Variants in PUS7 observed in about 807,000 individuals in gnomAD.
PUS7 encodes the protein pseudouridine synthase 7.
A neutral mutation model predicts 79.8 loss-of-function variants in PUS7; 48 were observed. That is an observed-to-expected ratio of 0.60 (90% CI 0.48 to 0.76). The LOEUF (loss-of-function observed/expected upper bound fraction) is 0.76. Ranked by LOEUF, PUS7 falls within the 30% of genes least tolerant of loss-of-function variation. PUS7 has a pLI of 0.00. For missense variants in PUS7, 729 were observed against 797.6 expected, an observed-to-expected ratio of 0.91 and a Z score of 1.04; for synonymous variants, 286 against 272.2, an observed-to-expected ratio of 1.05 and a Z score of -0.50.
chr7:105,469,528 C>T (rs184935944), intron 11 of PUS7, among the ~76,000 whole-genome samples: 264 of 152,258 alleles, frequency 1.7e-3, no homozygotes, highest in African/African-American at 6.2e-3. Context: ...GGTGCCATCC[C>T]GGCTGAATGC....
intron 4 of PUS7, 85 bp downstream of exon 4, chr7:105,505,870 G>A (rs1825433716): frequency 9.2e-7 from 1 of 1,086,182 alleles, no homozygotes; most frequent in East Asian, 2.4e-5. Flanking sequence ...GTTAACCATT[G>A]TAATTTTTTC....
At chr7:105,520,683 T>C (rs1343576443) in intron 1 of PUS7, among the ~76,000 whole-genome samples, 6 of 151,992 alleles carry the variant, frequency 3.9e-5, no homozygotes, top group African/African-American at 9.7e-5. Flanking sequence ...GATCGTGCCA[T>C]TGCACTCCAG....
At chr7:105,516,167 A>G (rs1279725072) in intron 1 of PUS7, among the ~76,000 whole-genome samples, 1 of 151,842 alleles carries the variant, frequency 6.6e-6, no homozygotes, top group Non-Finnish European at 1.5e-5. Flanking sequence ...CTGGTCTGAA[A>G]CTCCTGGCCT....
intron 13 of PUS7, among the ~76,000 whole-genome samples, chr7:105,464,532 C>T (rs942843137): frequency 1.3e-5 from 2 of 152,196 alleles, no homozygotes; most frequent in African/African-American, 4.8e-5. Context: ...CTCTCCCTCT[C>T]CTTCCCAGAG....
intron 9 of PUS7, among the ~76,000 whole-genome samples, chr7:105,480,833 G>T (rs1824291637): frequency 6.6e-6 from 1 of 151,882 alleles, no homozygotes. Flanking sequence ...CCCTGGATGG[G>T]TAACCAAGAG....
chr7:105,473,084 C>T (rs889597871), intron 9 of PUS7, among the ~76,000 whole-genome samples: 4 of 151,934 alleles, frequency 2.6e-5, no homozygotes, highest in African/African-American at 4.8e-5. Flanking sequence ...TTATATAAAT[C>T]GCAGTTAAGT....
chr7:105,470,944 G>A, intron 10 of PUS7, 96 bp from the exon 11 acceptor site: 1 of 1,338,926 alleles, frequency 7.5e-7, no homozygotes, highest in South Asian at 1.9e-5. Context: ...ATTAGAAAAT[G>A]CTACTTGAAA....
intron 5 of PUS7, among the ~76,000 whole-genome samples, chr7:105,499,672 T>C (rs1315498794): frequency 2.6e-5 from 4 of 152,190 alleles, no homozygotes; most frequent in South Asian, 2.1e-4. Flanking sequence ...TTGGGAACAA[T>C]GATTTAGAAT....
At chr7:105,492,500 ATTTTTTTTTTT>A (rs1159017117) in intron 6 of PUS7, among the ~76,000 whole-genome samples, 6 of 87,324 alleles carry the variant, frequency 6.9e-5, no homozygotes, top group East Asian at 3.1e-4. Flanking sequence ...GATTTTTTGT[ATTTTTTTTTTT>A]TTTTTTTTTT....
intron 5 of PUS7, among the ~76,000 whole-genome samples, chr7:105,501,391 T>G (rs1023543138): frequency 5.9e-5 from 9 of 151,978 alleles, no homozygotes; most frequent in Non-Finnish European, 1.2e-4. Flanking sequence ...GTCAATTTGG[T>G]AGGTGAAAAA....
At chr7:105,510,804 C>T (rs1170819911) in intron 1 of PUS7, among the ~76,000 whole-genome samples, 2 of 151,998 alleles carry the variant, frequency 1.3e-5, no homozygotes, top group African/African-American at 2.4e-5. Context: ...CATGAGCCAC[C>T]GTGTCTGGTC....
intron 5 of PUS7, among the ~76,000 whole-genome samples, chr7:105,496,546 A>AGTTTT (rs1825044802): frequency 6.6e-6 from 1 of 152,128 alleles, no homozygotes; most frequent in Non-Finnish European, 1.5e-5. Context: ...TGAATCCCTT[A>AGTTTT]TCTTCAGAGG....
At chr7:105,498,789 AAT>A (rs1825136543) in intron 5 of PUS7, among the ~76,000 whole-genome samples, 2 of 152,140 alleles carry the variant, frequency 1.3e-5, no homozygotes, top group Admixed American at 1.3e-4. Context: ...CCTTTTTGAA[AAT>A]ATATATTTTT....
Position 105,508,165 on chromosome 7 carries a change from G to A in PUS7, c.348C>T (p.Ile116=). The change falls in exon 2 of 16, where the codon ATC becomes ATT. Residue 116 remains isoleucine (I), a synonymous_variant. Transcript: ENST00000469408. ...CTTGATGAGAACTCACAAACTTGGTGATGCCTACGTCAGCCTCAGTGAGTC... is the reference window on the plus strand; with the variant it reads ...CTTGATGAGAACTCACAAACTTGGTAATGCCTACGTCAGCCTCAGTGAGTC... ...KHGLTEADVG[I]TKFVSSHQGF... 1.2e-6 allele frequency: 2 copies of A among 1,614,104 alleles called. No individual in the cohort carries two copies. Among genetic ancestry groups the A allele is most frequent in the African/African-American group, 1.3e-5 (1 of 75,036 alleles).
At chr7:105,496,839 AT>A in intron 5 of PUS7, 1 of 486,858 alleles carries the variant, frequency 2.1e-6, no homozygotes, top group Non-Finnish European at 2.8e-6. Flanking sequence ...CAGGAATATC[AT>A]TTTCGGTTTT....
chr7:105,506,376 G>A (rs1825460049), intron 2 of PUS7, 103 bp from the exon 3 acceptor site: 2 of 802,446 alleles, frequency 2.5e-6, no homozygotes, highest in African/African-American at 1.8e-5. Context: ...TGCAAAACAA[G>A]GAATTTTAAA....
intron 14 of PUS7, 90 bp from the exon 15 acceptor site, chr7:105,459,349 CAAGT>C: frequency 2.7e-6 from 2 of 747,848 alleles, no homozygotes; most frequent in East Asian, 5.6e-5. Flanking sequence ...GCAAGAAAAA[CAAGT>C]AAGTTTACTG....
intron 9 of PUS7, among the ~76,000 whole-genome samples, chr7:105,473,603 G>A (rs929895784): frequency 2.6e-5 from 4 of 151,210 alleles, no homozygotes; most frequent in Admixed American, 6.6e-5. Flanking sequence ...ATTTTTAGTA[G>A]AGATGGGGTT....
chr7:105,487,471 C>T (rs1365518991), intron 7 of PUS7, among the ~76,000 whole-genome samples: 1 of 152,106 alleles, frequency 6.6e-6, no homozygotes, highest in African/African-American at 2.4e-5. Flanking sequence ...CTTGAATATA[C>T]GATAGACATC....
Sources: gnomAD v4.1 joint callset for allele counts (sites outside exome capture counted in the v4.1 genomes callset) on GRCh38, gnomAD v4.1.1 for gene constraint, MANE v1.5 for transcripts, NCBI Gene and HGNC (gene_info 2026-07-23, HGNC 2026-07-21) for gene names.